The following EPHA3 variants were observed in gnomAD, a reference collection of about 807,000 sequenced individuals.
EPHA3 encodes ephrin type-A receptor 3.
A neutral mutation model predicts 107.1 loss-of-function variants in EPHA3; 42 were observed. The ratio of observed to expected loss-of-function variants is 0.39; its 90% CI spans 0.31 to 0.51. EPHA3 has a LOEUF of 0.51. Among genes scored for constraint, EPHA3 ranks in the 20% least tolerant of loss-of-function variants. The probability of loss-of-function intolerance (pLI) is 0.78; values close to 1 mark genes in which losing one functional copy is unlikely to be tolerated. For missense variants in EPHA3, 1,183 were observed against 1,211.2 expected (o/e 0.98, Z 0.35); for synonymous variants, 461 against 424.8 (o/e 1.09, Z -1.05).
chr3:89,386,545 C>G (rs1265510830), intron 5 of EPHA3, among the ~76,000 whole-genome samples: 1 of 152,224 alleles, frequency 6.6e-6, no homozygotes, highest in African/African-American at 2.4e-5. Flanking sequence ...GATGTCCAGT[C>G]AGAAGTTTGC....
At chr3:89,191,564 C>T (rs1343617003) in intron 2 of EPHA3, among the ~76,000 whole-genome samples, 1 of 152,132 alleles carries the variant, frequency 6.6e-6, no homozygotes. Context: ...GTTTAAACCA[C>T]CCAGTCTGTG....
At chr3:89,274,565 G>GTGAAT (rs1705759858) in intron 3 of EPHA3, among the ~76,000 whole-genome samples, 1 of 151,976 alleles carries the variant, frequency 6.6e-6, no homozygotes, top group African/African-American at 2.4e-5. Flanking sequence ...ATAGATTTAT[G>GTGAAT]TGAATTAATA....
chr3:89,459,488 TCTCTC>T (rs1341232059), intron 15 of EPHA3, among the ~76,000 whole-genome samples: 3 of 111,928 alleles, frequency 2.7e-5, no homozygotes, highest in Non-Finnish European at 5.4e-5. Flanking sequence ...TCTCCTTCCT[TCTCTC>T]CTTCCTTCCT....
intron 15 of EPHA3, among the ~76,000 whole-genome samples, chr3:89,451,880 CGTGTGTGT>C (rs146055053): frequency 6.9e-6 from 1 of 144,186 alleles, no homozygotes; most frequent in African/African-American, 2.5e-5. Context: ...TCAAGCAGGG[CGTGTGTGT>C]GTGTGTGTGT....
chr3:89,413,057 A>G, intron 9 of EPHA3, 84 bp from the exon 10 acceptor site: 1 of 1,567,522 alleles, frequency 6.4e-7, no homozygotes. Flanking sequence ...GGATTTTTTT[A>G]AACCAATAAT....
chr3:89,344,158 A>G (rs1258025367), intron 5 of EPHA3, among the ~76,000 whole-genome samples: 3 of 152,196 alleles, frequency 2.0e-5, no homozygotes, highest in Non-Finnish European at 4.4e-5. Flanking sequence ...AAAACAAACA[A>G]GAGCTCCTTA....
At chr3:89,315,639 T>A (rs1394654809) in intron 3 of EPHA3, among the ~76,000 whole-genome samples, 3 of 151,538 alleles carry the variant, frequency 2.0e-5, no homozygotes, top group Non-Finnish European at 1.5e-5. Flanking sequence ...AAAAGCAATC[T>A]TGTCCACTTA....
intron 2 of EPHA3, among the ~76,000 whole-genome samples, chr3:89,133,493 C>CT (rs1281222864): frequency 6.6e-6 from 1 of 152,152 alleles, no homozygotes; most frequent in East Asian, 1.9e-4. Flanking sequence ...ATTCGACGAA[C>CT]TCTTGGAAAG....
At chr3:89,117,719 TG>T (rs1020966982) in intron 1 of EPHA3, among the ~76,000 whole-genome samples, 15 of 152,080 alleles carry the variant, frequency 9.9e-5, no homozygotes, top group African/African-American at 3.6e-4. Flanking sequence ...AATTTTTTTT[TG>T]AATTACAAAC....
intron 3 of EPHA3, among the ~76,000 whole-genome samples, chr3:89,278,968 AC>A (rs1407078213): frequency 1.3e-5 from 2 of 152,186 alleles, no homozygotes; most frequent in Non-Finnish European, 2.9e-5. Context: ...CATTCAACTT[AC>A]TTGCTGGTAG....
intron 3 of EPHA3, among the ~76,000 whole-genome samples, chr3:89,227,517 G>C (rs1201136139): frequency 6.6e-6 from 1 of 151,844 alleles, no homozygotes; most frequent in African/African-American, 2.4e-5. Context: ...TATTTAAGTC[G>C]GTGTTTAACA....
At chr3:89,141,239 A>C (rs1358836708) in intron 2 of EPHA3, among the ~76,000 whole-genome samples, 1 of 151,566 alleles carries the variant, frequency 6.6e-6, no homozygotes, top group Non-Finnish European at 1.5e-5. Context: ...CTTCCATCTT[A>C]ATGCAAAATT....
intron 2 of EPHA3, among the ~76,000 whole-genome samples, chr3:89,151,752 A>G (rs1391913021): frequency 1.3e-5 from 2 of 152,122 alleles, no homozygotes; most frequent in East Asian, 3.9e-4. Flanking sequence ...ATAAACGCAC[A>G]AATTCTCCAT....
rs547670466 is a variant in EPHA3 at position 89,257,835 on chromosome 3, G to A, written c.814+47315G>A. Among the ~76,000 whole-genome samples the A allele has an allele frequency of 2.4e-3, 365 of 151,872 alleles. 1 individual carries two copies. The highest frequency in any genetic ancestry group is 8.2e-3 in the African/African-American group (340 of 41,408). On this transcript the variant is annotated intron_variant, in intron 3 of 16. Coordinates refer to ENST00000336596, the MANE Select transcript of EPHA3 (RefSeq NM_005233.6). ...AATGCATTATATTTCACCAACCAATGTAATAATTAACTTAGATAAGCATTA... is the reference window on the plus strand; with the variant it reads ...AATGCATTATATTTCACCAACCAATATAATAATTAACTTAGATAAGCATTA...
intron 1 of EPHA3, among the ~76,000 whole-genome samples, chr3:89,122,419 C>A (rs2106962820): frequency 6.6e-6 from 1 of 152,206 alleles, no homozygotes; most frequent in Middle Eastern, 3.4e-3. Flanking sequence ...CCATTAAAGC[C>A]TACTGTTAAC....
chr3:89,436,153 G>A (rs1301419464), intron 13 of EPHA3, among the ~76,000 whole-genome samples: 1 of 151,374 alleles, frequency 6.6e-6, no homozygotes, highest in Non-Finnish European at 1.5e-5. Flanking sequence ...AATTTAAAAG[G>A]AAGAAGAAAA....
At chr3:89,279,985 G>C (rs1705900555) in intron 3 of EPHA3, among the ~76,000 whole-genome samples, 1 of 151,768 alleles carries the variant, frequency 6.6e-6, no homozygotes, top group Non-Finnish European at 1.5e-5. Flanking sequence ...AAAATATATA[G>C]AGTTATTGAT....
chr3:89,332,634 GT>G (rs1158231723), intron 3 of EPHA3, among the ~76,000 whole-genome samples: 1 of 152,200 alleles, frequency 6.6e-6, no homozygotes, highest in Non-Finnish European at 1.5e-5. Flanking sequence ...ACATTGTGGA[GT>G]GCAGCTCATT....
chr3:89,406,645 TAAAAG>T (rs2107515878), intron 7 of EPHA3, among the ~76,000 whole-genome samples: 1 of 152,254 alleles, frequency 6.6e-6, no homozygotes, highest in South Asian at 2.1e-4. Context: ...TTACAACTGT[TAAAAG>T]AAATGTGAAA....
Sources: gnomAD v4.1 joint callset for allele counts (sites outside exome capture counted in the v4.1 genomes callset) on GRCh38, gnomAD v4.1.1 for gene constraint, MANE v1.5 for transcripts, NCBI Gene and HGNC (gene_info 2026-07-23, HGNC 2026-07-21) for gene names.